The following INSC variants were observed in gnomAD, a reference collection of about 807,000 sequenced individuals.
INSC encodes protein inscuteable homolog.
Under a neutral mutation model 58.6 loss-of-function variants are expected in INSC, and 67 were observed. The observed-to-expected ratio is 1.14, with a 90% CI of 0.94 to 1.40. The LOEUF (loss-of-function observed/expected upper bound fraction) is 1.40. INSC is among the 40% of genes most tolerant of loss of function. INSC has a pLI of 0.00. For missense variants in INSC, 714 were observed against 692.0 expected (o/e 1.03, Z -0.36); for synonymous variants, 262 against 276.1 (o/e 0.95, Z 0.51).
At chr11:15,114,717 CCAGG>C (rs1847648982), upstream of INSC, among the ~76,000 whole-genome samples, 1 of 152,196 alleles carries the variant, frequency 6.6e-6, no homozygotes, top group East Asian at 1.9e-4. Context: ...GTTTCCCCCC[CCAGG>C]GGCACCGAAA....
Position 15,158,536 on chromosome 11 carries a change from G to A in INSC, c.56+9306G>A, listed in dbSNP as rs890682810. Among the ~76,000 whole-genome samples the A allele has an allele frequency of 2.0e-5, 3 of 152,086 alleles. 1 individual carries two copies. The highest frequency in any genetic ancestry group is 2.4e-5 in the African/African-American group (1 of 41,378). On this transcript the variant is annotated intron_variant, in intron 2 of 12. Transcript: ENST00000379556. ...TTCCTTTGTGTAAATATTCCCAGGC[G>A]AAGTCAGGCCCTCTGTCTTCTGTGA...
intron 7 of INSC, among the ~76,000 whole-genome samples, chr11:15,213,618 T>A (rs1217218017): frequency 1.3e-5 from 2 of 152,224 alleles, no homozygotes; most frequent in Non-Finnish European, 2.9e-5. Flanking sequence ...CTCTATATAC[T>A]CTTAAGTTAC....
chr11:15,162,684 C>T (rs1221316555), intron 2 of INSC, among the ~76,000 whole-genome samples: 2 of 152,098 alleles, frequency 1.3e-5, no homozygotes, highest in Non-Finnish European at 2.9e-5. Flanking sequence ...TAGAACAGTT[C>T]CTGGCACCTA....
Position 15,183,350 on chromosome 11 carries a change from T to TAA in INSC, c.579+4903_579+4904insAA, listed in dbSNP as rs1849846802. Among the ~76,000 whole-genome samples, 17 of 60,694 alleles carry TAA rather than the reference T, an allele frequency of 2.8e-4. No individual in the cohort carries two copies. The South Asian group carries it at 8.6e-3, about 31-fold the overall frequency. 39.8% of individuals were successfully genotyped at this position (60,694 alleles called of 152,430 possible). On this transcript the variant is annotated intron_variant, in intron 5 of 12. Coordinates refer to ENST00000379556, the MANE Select transcript of INSC (RefSeq NM_001042536.3). Reference sequence around the variant, plus strand: ...TGGGCAACAAGAGCAAAACTCCATCTCAAAAAAAAAAAAAAAAAAACCAGA... The same window carrying TAA: ...TGGGCAACAAGAGCAAAACTCCATCTAACAAAAAAAAAAAAAAAAAAACCAGA...
chr11:15,115,928 T>A (rs1471540195), intron 1 of INSC, among the ~76,000 whole-genome samples: 1 of 152,192 alleles, frequency 6.6e-6, no homozygotes, highest in Non-Finnish European at 1.5e-5. Context: ...CCTCCCACTT[T>A]TGCCCCTTTT....
At chr11:15,256,785 G>T in the INSC span, among the ~76,000 whole-genome samples, 1 of 152,100 alleles carries the variant, frequency 6.6e-6, no homozygotes, top group African/African-American at 2.4e-5. Flanking sequence ...ACTGCACCTG[G>T]CCTGCAAGGT....
At chr11:15,134,916 G>A (rs998921650) in intron 1 of INSC, among the ~76,000 whole-genome samples, 3 of 151,882 alleles carry the variant, frequency 2.0e-5, no homozygotes, top group African/African-American at 7.3e-5. Flanking sequence ...GGTAGAAAGG[G>A]GAAGAGAGAG....
chr11:15,169,223 G>A (rs772873700), intron 2 of INSC, among the ~76,000 whole-genome samples: 10 of 152,178 alleles, frequency 6.6e-5, no homozygotes, highest in Non-Finnish European at 1.0e-4. Flanking sequence ...AGGCATTGAA[G>A]GCACAGGTCC....
chr11:15,131,221 A>G (rs1848118475), intron 1 of INSC, among the ~76,000 whole-genome samples: 1 of 151,908 alleles, frequency 6.6e-6, no homozygotes, highest in African/African-American at 2.4e-5. Context: ...GATTTTTAAT[A>G]TGTCTATTTT....
At chr11:15,126,333 A>AC (rs1304308857) in intron 1 of INSC, among the ~76,000 whole-genome samples, 1 of 152,214 alleles carries the variant, frequency 6.6e-6, no homozygotes, top group Non-Finnish European at 1.5e-5. Context: ...GCTAACACAA[A>AC]CAGCAGGATA....
At chr11:15,253,212 C>T in the INSC span, among the ~76,000 whole-genome samples, 75 of 152,286 alleles carry the variant, frequency 4.9e-4, no homozygotes, top group African/African-American at 1.6e-3. Flanking sequence ...CAATATTCCA[C>T]GCCCTTTGAA....
At chr11:15,169,552 T>A (rs953951587) in intron 2 of INSC, among the ~76,000 whole-genome samples, 26 of 149,216 alleles carry the variant, frequency 1.7e-4, no homozygotes, top group African/African-American at 6.4e-4. Context: ...TTTGTTTGTT[T>A]GTTTTTTTAG....
In INSC at chr11:15,215,768, T is replaced by C. The variant is rs570862109; in HGVS notation, c.820-5709T>C. Among the ~76,000 whole-genome samples the C allele has an allele frequency of 8.5e-5, 13 of 152,288 alleles. No individual in the cohort carries two copies. In the East Asian group the frequency reaches 1.2e-3, roughly 14 times the overall value. ...AAGAGACCATCTAACTTGATAGGTG[T>C]TCTAGCTGAGGTCAGACCACAGTGA... On this transcript the variant is annotated intron_variant, in intron 7 of 12. Coordinates refer to ENST00000379556, the MANE Select transcript of INSC (RefSeq NM_001042536.3).
the INSC span, among the ~76,000 whole-genome samples, chr11:15,262,939 TGAATAA>T: frequency 2.6e-5 from 4 of 152,162 alleles, no homozygotes; most frequent in South Asian, 8.3e-4. Context: ...ATACAGAATA[TGAATAA>T]GAATATTTAA....
At chr11:15,177,391 G>A (rs1419221756) in intron 4 of INSC, among the ~76,000 whole-genome samples, 1 of 152,196 alleles carries the variant, frequency 6.6e-6, no homozygotes, top group African/African-American at 2.4e-5. Flanking sequence ...CCTGGGCATA[G>A]GAAGAAAGAG....
chr11:15,211,004 C>T (rs1208401256), intron 7 of INSC, among the ~76,000 whole-genome samples: 1 of 151,978 alleles, frequency 6.6e-6, no homozygotes, highest in Non-Finnish European at 1.5e-5. Flanking sequence ...GTGGTGGGTC[C>T]TCTGGTCACC....
Position 15,240,540 on chromosome 11 carries a change from C to T in INSC, c.1470+17C>T. On this transcript the variant is annotated intron_variant, in intron 12 of 12. Transcript: ENST00000379556. ...GCCTGCCTGGTGAGTTCTCAGTCTT[C>T]CCCCAGCTTTTCCCCTGGCCTTCGG... 1 of 1,607,624 alleles carries T rather than the reference C, an allele frequency of 6.2e-7. No homozygotes were observed. Among genetic ancestry groups the T allele is most frequent in the Non-Finnish European group, 8.5e-7 (1 of 1,176,174 alleles).
At chr11:15,192,416 C>T (rs1019519434) in intron 6 of INSC, among the ~76,000 whole-genome samples, 1 of 152,234 alleles carries the variant, frequency 6.6e-6, no homozygotes, top group Non-Finnish European at 1.5e-5. Flanking sequence ...TTTCCAGACA[C>T]GCTCCCACCT....
the INSC span, among the ~76,000 whole-genome samples, chr11:15,262,677 C>CACACACAT: frequency 1.6e-4 from 25 of 151,838 alleles, no homozygotes; most frequent in African/African-American, 5.8e-4. Context: ...CACACACACA[C>CACACACAT]ACACACACAC....
Sources: gnomAD v4.1 joint callset for allele counts (sites outside exome capture counted in the v4.1 genomes callset) on GRCh38, gnomAD v4.1.1 for gene constraint, MANE v1.5 for transcripts, NCBI Gene and HGNC (gene_info 2026-07-23, HGNC 2026-07-21) for gene names.